Variants in ZBTB7C observed in about 807,000 individuals in gnomAD.
ZBTB7C encodes the protein zinc finger and BTB domain containing 7C, also known as zinc finger and BTB domain-containing protein 7C.
ZBTB7C carries 8 observed loss-of-function variants against 25.7 expected under a neutral mutation model. The observed-to-expected ratio is 0.31, with a 90% CI of 0.18 to 0.56. The LOEUF (loss-of-function observed/expected upper bound fraction) is 0.56. ZBTB7C is among the 20% of genes least tolerant of loss of function. The probability of loss-of-function intolerance (pLI) is 0.91; values close to 1 mark genes in which losing one functional copy is unlikely to be tolerated. For synonymous variants in ZBTB7C, 394 were observed against 369.0 expected (o/e 1.07, Z -0.78); for missense variants, 824 against 855.2 (o/e 0.96, Z 0.46).
At chr18:48,405,427 A>G (rs2048257851) in intron 1 of ZBTB7C, among the ~76,000 whole-genome samples, 1 of 152,182 alleles carries the variant, frequency 6.6e-6, no homozygotes, top group Non-Finnish European at 1.5e-5. Flanking sequence ...CATTGTTGTC[A>G]TTATTTAGAA....
At chr18:48,360,438 C>T (rs2047078138) in intron 1 of ZBTB7C, among the ~76,000 whole-genome samples, 1 of 152,188 alleles carries the variant, frequency 6.6e-6, no homozygotes. Context: ...ATCACAGAGC[C>T]ATGACATGCC....
chr18:48,242,424 T>A (rs1279280533), intron 2 of ZBTB7C, among the ~76,000 whole-genome samples: 1 of 152,088 alleles, frequency 6.6e-6, no homozygotes, highest in Non-Finnish European at 1.5e-5. Context: ...TATCTCAGAT[T>A]AATATAGATG....
At chr18:48,048,695 GA>G (rs988635109) in intron 3 of ZBTB7C, among the ~76,000 whole-genome samples, 1 of 152,174 alleles carries the variant, frequency 6.6e-6, no homozygotes, top group African/African-American at 2.4e-5. Flanking sequence ...TTTTTGCAGG[GA>G]TGGGGCCATA....
chr18:48,348,912 T>C (rs1159302069), intron 1 of ZBTB7C, among the ~76,000 whole-genome samples: 1 of 152,040 alleles, frequency 6.6e-6, no homozygotes, highest in Non-Finnish European at 1.5e-5. Context: ...TTTCCAAGAG[T>C]TCCTGAGTGG....
intron 2 of ZBTB7C, among the ~76,000 whole-genome samples, chr18:48,305,530 G>A (rs572361211): frequency 5.4e-4 from 82 of 152,284 alleles, no homozygotes; most frequent in East Asian, 7.7e-4. Flanking sequence ...CGTGAGACAC[G>A]TCAGACATAC....
At chr18:48,286,940 T>C (rs1454401075) in intron 2 of ZBTB7C, among the ~76,000 whole-genome samples, 1 of 151,966 alleles carries the variant, frequency 6.6e-6, no homozygotes, top group Admixed American at 6.6e-5. Flanking sequence ...TAGTCCAAAC[T>C]ACTCAGGAGG....
chr18:48,093,899 T>G (rs917532839), intron 3 of ZBTB7C, among the ~76,000 whole-genome samples: 1 of 141,016 alleles, frequency 7.1e-6, no homozygotes, highest in Non-Finnish European at 1.6e-5. Flanking sequence ...ACTAAAAAAA[T>G]ACAAAAAAAA....
intron 1 of ZBTB7C, among the ~76,000 whole-genome samples, chr18:48,400,393 A>G (rs961047462): frequency 6.6e-6 from 1 of 152,232 alleles, no homozygotes; most frequent in African/African-American, 2.4e-5. Context: ...GCCTCATGCT[A>G]CAAATGGGGA....
chr18:48,169,617 G>A (rs904151763), intron 3 of ZBTB7C, among the ~76,000 whole-genome samples: 5 of 152,194 alleles, frequency 3.3e-5, no homozygotes, highest in East Asian at 3.8e-4. Flanking sequence ...GCACTGTGCC[G>A]TCCACTTTCT....
intron 1 of ZBTB7C, among the ~76,000 whole-genome samples, chr18:48,393,073 A>G (rs2047938504): frequency 6.6e-6 from 1 of 152,190 alleles, no homozygotes; most frequent in South Asian, 2.1e-4. Context: ...AAATATGCTG[A>G]TAACTATGCT....
intron 2 of ZBTB7C, among the ~76,000 whole-genome samples, chr18:48,292,216 C>T (rs115416133): frequency 2.6e-5 from 4 of 151,958 alleles, no homozygotes; most frequent in African/African-American, 7.3e-5. Flanking sequence ...AAAATTGCTA[C>T]GATCTGTTAA....
Position 48,278,357 on chromosome 18 carries a change from T to A in ZBTB7C, c.-79+59817A>T, listed in dbSNP as rs540786277. ...GGCCCCAGACATGGGAGTGGCACCATCTTGGATCGTCTATCCCCAGTTGAG... is the reference window on the plus strand; with the variant it reads ...GGCCCCAGACATGGGAGTGGCACCAACTTGGATCGTCTATCCCCAGTTGAG... On this transcript the variant is annotated intron_variant, in intron 2 of 4. Transcript: ENST00000590800. Among the ~76,000 whole-genome samples the A allele has an allele frequency of 2.6e-5, 4 of 152,204 alleles. No individual in the cohort carries two copies. The East Asian group carries it at 7.7e-4, about 29-fold the overall frequency.
At chr18:48,358,818 C>A (rs2047036759) in intron 1 of ZBTB7C, among the ~76,000 whole-genome samples, 1 of 152,160 alleles carries the variant, frequency 6.6e-6, no homozygotes, top group Non-Finnish European at 1.5e-5. Flanking sequence ...TTGCACTGTA[C>A]ACTTAGAGGG....
At chr18:48,371,045 G>A (rs2047376597) in intron 1 of ZBTB7C, among the ~76,000 whole-genome samples, 2 of 152,206 alleles carry the variant, frequency 1.3e-5, no homozygotes, top group Non-Finnish European at 2.9e-5. Flanking sequence ...GTACAAAAGG[G>A]TAGGTGTGTG....
chr18:48,158,329 G>A (rs1235997098), intron 3 of ZBTB7C, among the ~76,000 whole-genome samples: 1 of 152,186 alleles, frequency 6.6e-6, no homozygotes, highest in Non-Finnish European at 1.5e-5. Context: ...GCCCTCGCAG[G>A]CTACAGGATG....
chr18:48,164,964 G>T (rs1295973121), intron 3 of ZBTB7C, among the ~76,000 whole-genome samples: 2 of 152,204 alleles, frequency 1.3e-5, no homozygotes, highest in African/African-American at 2.4e-5. Context: ...CTTGACTGAG[G>T]TCACCCAGCT....
chr18:48,406,649 T>C (rs930353039), intron 1 of ZBTB7C, among the ~76,000 whole-genome samples: 2 of 152,218 alleles, frequency 1.3e-5, no homozygotes, highest in Non-Finnish European at 2.9e-5. Context: ...CTGATTTCTA[T>C]CTGTTCATGA....
chr18:48,279,242 C>T (rs762434689), intron 2 of ZBTB7C, among the ~76,000 whole-genome samples: 1 of 152,158 alleles, frequency 6.6e-6, no homozygotes, highest in Non-Finnish European at 1.5e-5. Context: ...GCCCTGACAT[C>T]CAGTACTTAC....
At chr18:48,200,002 G>A (rs2042401867) in intron 2 of ZBTB7C, among the ~76,000 whole-genome samples, 1 of 150,062 alleles carries the variant, frequency 6.7e-6, no homozygotes, top group Admixed American at 6.6e-5. Flanking sequence ...TTGTGTGTGT[G>A]TGTGTGTGTG....
Sources: allele counts gnomAD v4.1 joint callset (sites outside exome capture counted in the v4.1 genomes callset), GRCh38; gene constraint gnomAD v4.1.1; transcripts MANE v1.5; gene names NCBI Gene and HGNC (gene_info 2026-07-23, HGNC 2026-07-21).